The following MPDZ variants were observed in gnomAD, a reference collection of about 807,000 sequenced individuals.
MPDZ encodes the protein multiple PDZ domain crumbs cell polarity complex component.
MPDZ carries 234 observed loss-of-function variants against 239.1 expected under a neutral mutation model. The observed-to-expected ratio is 0.98, with a 90% confidence interval of 0.88 to 1.09. The LOEUF (loss-of-function observed/expected upper bound fraction) is 1.09. Among genes scored for constraint, MPDZ ranks in the 50% least tolerant of loss-of-function variants. The pLI is 0.00. For synonymous variants in MPDZ, 1,048 were observed against 881.3 expected (o/e 1.19, Z -3.35); for missense variants, 3,175 against 2,510.0 (o/e 1.26, Z -5.66).
chr9:13,223,157 C>A (rs1390492616), intron 5 of MPDZ, among the ~76,000 whole-genome samples: 2 of 151,866 alleles, frequency 1.3e-5, no homozygotes, highest in Non-Finnish European at 2.9e-5. Context: ...GATTTTAGTA[C>A]CTGCAGGAGT....
At chr9:13,271,049 G>A (rs1209553073) in intron 1 of MPDZ, among the ~76,000 whole-genome samples, 2 of 151,972 alleles carry the variant, frequency 1.3e-5, no homozygotes, top group African/African-American at 2.4e-5. Flanking sequence ...CTCTTCATAC[G>A]GTAGGATACA....
chr9:13,265,932 A>T (rs1174021159), intron 1 of MPDZ, among the ~76,000 whole-genome samples: 3 of 152,164 alleles, frequency 2.0e-5, no homozygotes, highest in Admixed American at 6.5e-5. Flanking sequence ...TCCCCATCCA[A>T]CTTCAGGTTT....
At chr9:13,158,315 C>A (rs1247424532) in intron 23 of MPDZ, among the ~76,000 whole-genome samples, 2 of 152,088 alleles carry the variant, frequency 1.3e-5, no homozygotes, top group East Asian at 3.9e-4. Flanking sequence ...ATCAACGTAC[C>A]ATAGCGTAGA....
At chr9:13,203,773 C>CACACACACACAG (rs1400930663) in intron 12 of MPDZ, among the ~76,000 whole-genome samples, 1 of 125,634 alleles carries the variant, frequency 8.0e-6, no homozygotes, top group African/African-American at 2.9e-5. Flanking sequence ...CACACACACA[C>CACACACACACAG]AGAGAGAGAA....
chr9:13,239,635 T>C (rs1964892583), intron 3 of MPDZ, among the ~76,000 whole-genome samples: 2 of 152,144 alleles, frequency 1.3e-5, no homozygotes, highest in Admixed American at 6.5e-5. Flanking sequence ...AAATAATGAA[T>C]GACAGTTTTG....
rs772906124 is a variant in MPDZ at position 13,259,757 on chromosome 9, G to A, written c.-57-9385C>T. On this transcript the variant is annotated intron_variant, in intron 1 of 46. Transcript: ENST00000319217. The stretch of plus-strand genomic sequence containing the variant: ...TTGGGGCTGAGGAAAAAGGAGAGAC[G>A]GAGAAGATGAGCCTGGAGATGTGAG... Among the ~76,000 whole-genome samples, 9 of 152,074 alleles carry A rather than the reference G, an allele frequency of 5.9e-5. No individual in the cohort carries two copies. In the East Asian group the frequency reaches 9.7e-4, roughly 16 times the overall value.
At chr9:13,224,322 T>C in intron 4 of MPDZ, 52 bp downstream of exon 4, 1 of 1,425,392 alleles carries the variant, frequency 7.0e-7, no homozygotes, top group Non-Finnish European at 9.7e-7. Flanking sequence ...CTTGATCACA[T>C]TCTTAAATTA....
intron 34 of MPDZ, 59 bp from the exon 35 acceptor site, chr9:13,125,449 C>A: frequency 1.4e-6 from 2 of 1,434,220 alleles, no homozygotes; most frequent in East Asian, 2.3e-5. Flanking sequence ...GTAGACATAC[C>A]AATGAGTCAC....
intron 37 of MPDZ, 55 bp downstream of exon 37, chr9:13,122,032 C>A: frequency 6.2e-7 from 1 of 1,602,552 alleles, no homozygotes; most frequent in East Asian, 2.2e-5. Flanking sequence ...AGAAACACTC[C>A]CCCCAGGAGC....
At chr9:13,229,452 A>C (rs1173736054) in intron 3 of MPDZ, among the ~76,000 whole-genome samples, 1 of 152,054 alleles carries the variant, frequency 6.6e-6, no homozygotes, top group Non-Finnish European at 1.5e-5. Flanking sequence ...TCTTCAAAGC[A>C]CAATAAGACC....
At chr9:13,134,748 A>C (rs1031607812) in intron 31 of MPDZ, 28 of 152,182 alleles carry the variant, frequency 1.8e-4, no homozygotes, top group African/African-American at 6.8e-4. Context: ...CTTTCTCAAA[A>C]ACCACTAACA....
intron 3 of MPDZ, among the ~76,000 whole-genome samples, chr9:13,243,454 A>AC (rs1965893831): frequency 6.6e-6 from 1 of 151,644 alleles, no homozygotes; most frequent in African/African-American, 2.4e-5. Context: ...TAGTTATGTG[A>AC]CTTTTTTTTT....
At chr9:13,160,699 C>T (rs1950353428) in intron 23 of MPDZ, among the ~76,000 whole-genome samples, 1 of 151,170 alleles carries the variant, frequency 6.6e-6, no homozygotes, top group Non-Finnish European at 1.5e-5. Context: ...GGCGTCTCCC[C>T]TATCCCTCGT....
At chr9:13,274,878 G>C (rs1973817872) in intron 1 of MPDZ, among the ~76,000 whole-genome samples, 1 of 151,280 alleles carries the variant, frequency 6.6e-6, no homozygotes, top group African/African-American at 2.4e-5. Flanking sequence ...CTATTTTTAA[G>C]AACCATTAAA....
At chr9:13,171,471 T>C (rs762113126) in intron 21 of MPDZ, among the ~76,000 whole-genome samples, 1 of 152,154 alleles carries the variant, frequency 6.6e-6, no homozygotes, top group Non-Finnish European at 1.5e-5. Context: ...GAGAAACTCC[T>C]GAGTCTGTCT....
At chr9:13,275,881 C>T (rs903480923) in intron 1 of MPDZ, among the ~76,000 whole-genome samples, 1 of 152,116 alleles carries the variant, frequency 6.6e-6, no homozygotes, top group African/African-American at 2.4e-5. Flanking sequence ...CTCTTCTATA[C>T]ATGTCCATTT....
At position 13,123,273 on chromosome 9, in the gene MPDZ, T is replaced by A; in HGVS notation, c.4833A>T (p.Ala1611=). 1 of 1,612,238 alleles carries A rather than the reference T, an allele frequency of 6.2e-7. No individual in the cohort carries two copies. The highest frequency in any genetic ancestry group is 8.5e-7 in the Non-Finnish European group (1 of 1,179,242). The change falls in exon 36 of 47, where the codon GCA becomes GCT. Residue 1611 remains alanine, a synonymous_variant. Transcript: ENST00000319217. ...AGGTTGCAGGATCAGAAGCAAAAAT[T>A]GCTGGTGTTGATGATCTGCTTGTAT... is the stretch of plus-strand genomic sequence containing the variant. ...IRNTSRSSTP[A]IFASDPATCP... is the part of the protein sequence containing the mutation.
At chr9:13,133,602 G>A (rs1442413573) in intron 32 of MPDZ, among the ~76,000 whole-genome samples, 1 of 152,144 alleles carries the variant, frequency 6.6e-6, no homozygotes, top group Non-Finnish European at 1.5e-5. Context: ...AAACGTAAAC[G>A]TGCATCAGGC....
In MPDZ at chr9:13,196,140, C is replaced by A; in HGVS notation, c.1637G>T (p.Gly546Val). The A allele has an allele frequency of 6.3e-7, 1 of 1,599,234 alleles. No homozygotes were observed. The highest frequency in any genetic ancestry group is 8.5e-7 in the Non-Finnish European group (1 of 1,171,470). ...ACCTACCACTATTTCATAGTTAATT[C>A]CCATAATCCTTTGCCATTTTGTCAG... ...ALLTKWQRIM[G>V]INYEIVVAHV... Residue 546 changes from glycine (G) to valine (V), a missense_variant, in exon 13 of 47, where the codon GGA becomes GTA. Gly to Val is a moderately radical substitution (Grantham distance 109). Transcript: ENST00000319217.
Sources: gnomAD v4.1 joint callset for allele counts (sites outside exome capture counted in the v4.1 genomes callset) on GRCh38, gnomAD v4.1.1 for gene constraint, MANE v1.5 for transcripts, NCBI Gene and HGNC (gene_info 2026-07-23, HGNC 2026-07-21) for gene names.